POPDC1: variants seen among roughly 807,000 people sequenced by gnomAD.
POPDC1 encodes popeye domain-containing protein 1.
chr6:105,121,822 A>G, the POPDC1 span, among the ~76,000 whole-genome samples: 1 of 152,108 alleles, frequency 6.6e-6, no homozygotes, highest in African/African-American at 2.4e-5. Context: ...TTTTCATCGT[A>G]CTGTACAATT....
chr6:105,096,985 C>T, the POPDC1 span: 1 of 152,568 alleles, frequency 6.6e-6, no homozygotes, highest in African/African-American at 2.4e-5. Flanking sequence ...CTGTATAAAG[C>T]TTTCATAAAA....
At chr6:105,128,644 A>G in the POPDC1 span, among the ~76,000 whole-genome samples, 1 of 152,224 alleles carries the variant, frequency 6.6e-6, no homozygotes, top group Non-Finnish European at 1.5e-5. Context: ...CCTATTATAT[A>G]TCATCTGCAT....
chr6:105,107,537 A>T, the POPDC1 span, among the ~76,000 whole-genome samples: 2 of 152,242 alleles, frequency 1.3e-5, no homozygotes, highest in Non-Finnish European at 2.9e-5. Context: ...CACGATGTGA[A>T]ATCTGTCAGG....
chr6:105,102,276 C>A, the POPDC1 span, among the ~76,000 whole-genome samples: 2 of 152,198 alleles, frequency 1.3e-5, no homozygotes, highest in East Asian at 3.8e-4. Flanking sequence ...AGACATGAAG[C>A]AGATCTGCTA....
At chr6:105,125,798 C>G in the POPDC1 span, among the ~76,000 whole-genome samples, 1 of 152,134 alleles carries the variant, frequency 6.6e-6, no homozygotes, top group African/African-American at 2.4e-5. Flanking sequence ...TGAGGTGGTT[C>G]ATGCCTGTAA....
chr6:105,133,182 T>A, the POPDC1 span, among the ~76,000 whole-genome samples: 1 of 152,208 alleles, frequency 6.6e-6, no homozygotes, highest in East Asian at 1.9e-4. Flanking sequence ...AGATATGGCA[T>A]GTGAAGGCCT....
At chr6:105,127,726 G>T in the POPDC1 span, among the ~76,000 whole-genome samples, 1 of 151,870 alleles carries the variant, frequency 6.6e-6, no homozygotes, top group South Asian at 2.1e-4. Context: ...ATGAGCTATG[G>T]CGCCCAGCCT....
At chr6:105,114,444 A>C in the POPDC1 span, among the ~76,000 whole-genome samples, 1 of 152,078 alleles carries the variant, frequency 6.6e-6, no homozygotes, top group East Asian at 1.9e-4. Context: ...CTGACTATGC[A>C]ATACTTAAAA....
chr6:105,135,423 G>C, the POPDC1 span, among the ~76,000 whole-genome samples: 3 of 152,100 alleles, frequency 2.0e-5, no homozygotes, highest in Admixed American at 6.5e-5. Context: ...TTCTTCCTTG[G>C]AATAGGGAAA....
At chr6:105,131,988 G>A in the POPDC1 span, among the ~76,000 whole-genome samples, 1 of 146,216 alleles carries the variant, frequency 6.8e-6, no homozygotes, top group Non-Finnish European at 1.5e-5. Context: ...TTTTTTTGAG[G>A]CAGAGTCTAG....
At chr6:105,102,725 T>C in the POPDC1 span, among the ~76,000 whole-genome samples, 1 of 152,180 alleles carries the variant, frequency 6.6e-6, no homozygotes, top group Non-Finnish European at 1.5e-5. Flanking sequence ...TAGCAGGGTG[T>C]TGGGCCTATA....
At chr6:105,133,258 G>A in the POPDC1 span, 1 of 1,095,440 alleles carries the variant, frequency 9.1e-7, no homozygotes, top group Non-Finnish European at 1.3e-6. Context: ...GGCTTGCTAT[G>A]GGCCTGACAA....
chr6:105,130,554 T>C, the POPDC1 span, among the ~76,000 whole-genome samples: 1 of 152,210 alleles, frequency 6.6e-6, no homozygotes, highest in African/African-American at 2.4e-5. Flanking sequence ...GTTGTCAGTA[T>C]AGTCATGTGT....
chr6:105,133,140 G>A, the POPDC1 span, among the ~76,000 whole-genome samples: 1 of 152,156 alleles, frequency 6.6e-6, no homozygotes, highest in Non-Finnish European at 1.5e-5. Context: ...AACAACATAT[G>A]AAAGCACATA....
chr6:105,109,288 G>C, the POPDC1 span, among the ~76,000 whole-genome samples: 2 of 152,078 alleles, frequency 1.3e-5, no homozygotes, highest in South Asian at 4.2e-4. Context: ...AATTAGTGCA[G>C]CAAGAAAAAG....
chr6:105,115,247 C>T, the POPDC1 span, among the ~76,000 whole-genome samples: 1 of 152,148 alleles, frequency 6.6e-6, no homozygotes, highest in African/African-American at 2.4e-5. Context: ...CCACCAAGCC[C>T]GGCTAATTTT....
chr6:105,116,779 A>G, the POPDC1 span: 1 of 1,612,728 alleles, frequency 6.2e-7, no homozygotes, highest in Non-Finnish European at 8.5e-7. Context: ...TAAAGATTTC[A>G]TACAAGAAAG....
the POPDC1 span, chr6:105,133,694 T>C: frequency 6.6e-5 from 50 of 753,264 alleles, no homozygotes; most frequent in Middle Eastern, 9.0e-4. Context: ...AATAGACTTC[T>C]CTAGTGCTTA....
the POPDC1 span, among the ~76,000 whole-genome samples, chr6:105,132,863 T>C: frequency 7.9e-5 from 12 of 152,254 alleles, no homozygotes; most frequent in African/African-American, 1.2e-4. Flanking sequence ...CAAGTAATAA[T>C]AGTTAAAACT....
Sources: gnomAD v4.1 joint callset for allele counts (sites outside exome capture counted in the v4.1 genomes callset) on GRCh38, gnomAD v4.1.1 for gene constraint, MANE v1.5 for transcripts, NCBI Gene and HGNC (gene_info 2026-07-23, HGNC 2026-07-21) for gene names.